CCDC192: variants seen among roughly 807,000 people sequenced by gnomAD.
The protein encoded by CCDC192 is coiled-coil domain containing 192, also known as coiled-coil domain-containing protein 192.
intron 5 of CCDC192, among the ~76,000 whole-genome samples, chr5:127,864,234 C>G (rs1373412892): frequency 6.6e-6 from 1 of 152,210 alleles, no homozygotes; most frequent in Non-Finnish European, 1.5e-5. Context: ...TCAAACTCCT[C>G]TTTATTAACA....
chr5:127,931,033 A>G (rs1520246), intron 6 of CCDC192, among the ~76,000 whole-genome samples: 15,268 of 152,090 alleles, frequency 0.1, 1,568 homozygotes, highest in East Asian at 0.3. Context: ...ATATGTGCTG[A>G]CTCCAGCAAG....
chr5:127,813,203 G>T (rs1375794096), intron 5 of CCDC192, among the ~76,000 whole-genome samples: 1 of 152,050 alleles, frequency 6.6e-6, no homozygotes, highest in African/African-American at 2.4e-5. Flanking sequence ...CCCAGGATGG[G>T]ACTTAAACTG....
At chr5:127,709,600 C>A (rs886991199) in intron 2 of CCDC192, among the ~76,000 whole-genome samples, 2 of 152,138 alleles carry the variant, frequency 1.3e-5, no homozygotes, top group Admixed American at 6.5e-5. Flanking sequence ...ACATAGCTCT[C>A]AAATTTATAA....
chr5:127,757,796 A>T (rs886998440), intron 3 of CCDC192, among the ~76,000 whole-genome samples: 2 of 106,564 alleles, frequency 1.9e-5, no homozygotes, highest in Non-Finnish European at 4.2e-5. Flanking sequence ...ACACACACAC[A>T]CACTCTCTCT....
At chr5:127,750,181 T>C (rs1480458714) in intron 2 of CCDC192, among the ~76,000 whole-genome samples, 2 of 152,084 alleles carry the variant, frequency 1.3e-5, no homozygotes, top group Non-Finnish European at 2.9e-5. Flanking sequence ...GCTCTTGCTT[T>C]TCTAGTTCTT....
chr5:127,733,854 T>TA (rs1405552722), intron 2 of CCDC192, among the ~76,000 whole-genome samples: 19 of 151,442 alleles, frequency 1.3e-4, no homozygotes, highest in Middle Eastern at 6.8e-3. Flanking sequence ...TTTTTTTTTT[T>TA]TCCAGTTTCC....
intron 3 of CCDC192, among the ~76,000 whole-genome samples, chr5:127,757,979 C>T (rs550957996): frequency 4.0e-5 from 6 of 151,712 alleles, no homozygotes; most frequent in East Asian, 3.9e-4. Flanking sequence ...ATGGGCTAGC[C>T]GGGTGAAGTA....
At chr5:127,924,117 A>G (rs895083761) in intron 6 of CCDC192, among the ~76,000 whole-genome samples, 5 of 152,236 alleles carry the variant, frequency 3.3e-5, no homozygotes, top group African/African-American at 1.2e-4. Context: ...CAAGTAAAAT[A>G]TTACCTTACT....
chr5:127,815,846 C>G (rs572723538), intron 5 of CCDC192, among the ~76,000 whole-genome samples: 1 of 149,404 alleles, frequency 6.7e-6, no homozygotes, highest in African/African-American at 2.5e-5. Flanking sequence ...CCAGCCTGGG[C>G]AACAGAGCGA....
chr5:127,880,673 G>C (rs972357399), intron 6 of CCDC192, among the ~76,000 whole-genome samples: 4 of 151,912 alleles, frequency 2.6e-5, no homozygotes, highest in Admixed American at 2.0e-4. Flanking sequence ...ACCTTCAGCT[G>C]GTGGTCAAGT....
chr5:127,916,364 T>C (rs1454354005), intron 6 of CCDC192, among the ~76,000 whole-genome samples: 1 of 152,246 alleles, frequency 6.6e-6, no homozygotes, highest in Non-Finnish European at 1.5e-5. Flanking sequence ...CTCTATACTG[T>C]TGTTAATATT....
intron 6 of CCDC192, among the ~76,000 whole-genome samples, chr5:127,932,109 G>A (rs1255526819): frequency 4.7e-5 from 7 of 149,084 alleles, no homozygotes; most frequent in Non-Finnish European, 5.9e-5. Flanking sequence ...ATCCGAGATC[G>A]TGCCACTGCG....
chr5:127,875,055 A>T (rs1752017482), intron 5 of CCDC192, among the ~76,000 whole-genome samples: 1 of 152,142 alleles, frequency 6.6e-6, no homozygotes, highest in Admixed American at 6.5e-5. Context: ...ATATCAGAAA[A>T]CACCAGCGTT....
intron 5 of CCDC192, among the ~76,000 whole-genome samples, chr5:127,820,769 T>C (rs1351953593): frequency 6.6e-6 from 1 of 152,232 alleles, no homozygotes; most frequent in African/African-American, 2.4e-5. Flanking sequence ...TCTCTATGTA[T>C]TACTTTTCAA....
intron 5 of CCDC192, among the ~76,000 whole-genome samples, chr5:127,869,359 T>C (rs960996498): frequency 6.6e-6 from 1 of 152,044 alleles, no homozygotes. Context: ...AGCTAGTACA[T>C]ATAAAGTTCT....
At chr5:127,810,982 T>C (rs929587357) in intron 5 of CCDC192, among the ~76,000 whole-genome samples, 2 of 152,200 alleles carry the variant, frequency 1.3e-5, no homozygotes, top group African/African-American at 4.8e-5. Flanking sequence ...ATTCAGAGCC[T>C]TGTGGCTCTT....
chr5:127,709,115 GAGA>G lies in CCDC192; in HGVS notation c.114+1356_114+1358del, dbSNP rs1561438402. On this transcript the variant is annotated intron_variant, in intron 2 of 6. Coordinates refer to ENST00000514853, the MANE Select transcript of CCDC192 (RefSeq NM_001317938.2). ...ACAGTGGGAGCAGGAGAGAGAGAGA[GAGA>G]GAGAGGGAGAGGGAGAGGGAGGAGA... is the stretch of plus-strand genomic sequence containing the variant. Among the ~76,000 whole-genome samples the G allele has an allele frequency of 1.8e-3, 172 of 96,888 alleles. 2 individuals are homozygous for G. The highest frequency in any genetic ancestry group is 6.4e-3 in the African/African-American group (158 of 24,640). The allele number at this position is 96,888 out of a possible 152,430, so 63.6% of individuals were successfully genotyped here.
intron 2 of CCDC192, among the ~76,000 whole-genome samples, chr5:127,717,269 T>C (rs1751676139): frequency 6.6e-6 from 1 of 152,196 alleles, no homozygotes; most frequent in African/African-American, 2.4e-5. Flanking sequence ...AGTATGTAAA[T>C]TGAATCTTTA....
chr5:127,875,749 GCTACAGGC>G, intron 6 of CCDC192, 88 bp downstream of exon 6: 1 of 396,170 alleles, frequency 2.5e-6, no homozygotes, highest in Non-Finnish European at 4.4e-6. Flanking sequence ...AAAAAACGAG[GCTACAGGC>G]CTGGTCTGAC....
Sources: gnomAD v4.1 joint callset for allele counts (sites outside exome capture counted in the v4.1 genomes callset) on GRCh38, gnomAD v4.1.1 for gene constraint, MANE v1.5 for transcripts, NCBI Gene and HGNC (gene_info 2026-07-23, HGNC 2026-07-21) for gene names.